FAR1: variants seen among roughly 807,000 people sequenced by gnomAD.
FAR1 encodes the protein male sterility domain-containing protein 2.
A neutral mutation model predicts 61.1 loss-of-function variants in FAR1; 22 were observed. The ratio of observed to expected loss-of-function variants is 0.36; its 90% CI spans 0.26 to 0.51. FAR1 has a LOEUF of 0.51. Among genes scored for constraint, FAR1 ranks in the 20% least tolerant of loss-of-function variants. The pLI, the probability that FAR1 is intolerant of heterozygous loss-of-function variation, is 0.95. For synonymous variants in FAR1, 206 were observed against 209.7 expected (o/e 0.98, Z 0.15); for missense variants, 359 against 626.9 (o/e 0.57, Z 4.56).
intron 1 of FAR1, among the ~76,000 whole-genome samples, chr11:13,675,331 G>C (rs185316143): frequency 7.9e-5 from 12 of 152,268 alleles, no homozygotes; most frequent in Admixed American, 3.9e-4. Flanking sequence ...CATTATTTTA[G>C]AATGAAAGTA....
rs181671219 is a variant in FAR1, at chr11:13,705,025, A to G, written c.366-2875A>G. 1.1e-4 allele frequency among the ~76,000 whole-genome samples: 16 copies of G among 152,322 alleles called. 1 individual carries two copies. The Middle Eastern group carries it at 0.01, about 97-fold the overall frequency. On this transcript the variant is annotated intron_variant, in intron 3 of 11. Transcript: ENST00000354817. ...AAAACCTAAGATGCCTGTAGAAGAA[A>G]GACGAACAAGAAAATGTATTGGCAC... is the stretch of plus-strand genomic sequence containing the variant.
At chr11:13,695,224 AT>A (rs1848295909) in intron 2 of FAR1, among the ~76,000 whole-genome samples, 1 of 152,120 alleles carries the variant, frequency 6.6e-6, no homozygotes, top group South Asian at 2.1e-4. Context: ...TTTTTAGAAC[AT>A]TTGAGGCAGG....
chr11:13,688,788 A>G (rs1024345261), intron 1 of FAR1, among the ~76,000 whole-genome samples: 1 of 152,144 alleles, frequency 6.6e-6, no homozygotes, highest in Non-Finnish European at 1.5e-5. Context: ...ATTATTCTTC[A>G]TATCTCCCAT....
At chr11:13,681,662 C>G (rs1173314282) in intron 1 of FAR1, among the ~76,000 whole-genome samples, 2 of 152,218 alleles carry the variant, frequency 1.3e-5, no homozygotes, top group African/African-American at 4.8e-5. Flanking sequence ...GAAGCCCAAA[C>G]TATCTCATGG....
chr11:13,673,340 A>G (rs1249174950), intron 1 of FAR1, among the ~76,000 whole-genome samples: 1 of 152,240 alleles, frequency 6.6e-6, no homozygotes, highest in Non-Finnish European at 1.5e-5. Context: ...GCACTGTAGC[A>G]TAATCCTTCA....
chr11:13,703,386 C>G (rs12270914), intron 3 of FAR1, among the ~76,000 whole-genome samples: 4,889 of 148,890 alleles, frequency 0.033, 114 homozygotes, highest in Non-Finnish European at 0.048. Flanking sequence ...GTTTCACTAA[C>G]AGTTACTCTT....
intron 1 of FAR1, chr11:13,686,447 A>AT (rs1848186353): frequency 6.6e-6 from 1 of 152,194 alleles, no homozygotes; most frequent in Non-Finnish European, 1.5e-5. Context: ...GTTTTAATTA[A>AT]TTTGAGTTGT....
chr11:13,723,799 C>G (rs935939390), intron 10 of FAR1, among the ~76,000 whole-genome samples: 2 of 152,136 alleles, frequency 1.3e-5, no homozygotes, highest in African/African-American at 4.8e-5. Flanking sequence ...AGTCTGCCAG[C>G]TGTGTCTAAA....
intron 1 of FAR1, among the ~76,000 whole-genome samples, chr11:13,690,137 A>G (rs1848233389): frequency 6.6e-6 from 1 of 152,074 alleles, no homozygotes; most frequent in Middle Eastern, 3.2e-3. Flanking sequence ...TCAGCCTCCC[A>G]AAGTGCTGGG....
At chr11:13,687,282 G>A (rs147240030) in intron 1 of FAR1, among the ~76,000 whole-genome samples, 46 of 152,280 alleles carry the variant, frequency 3.0e-4, no homozygotes, top group Non-Finnish European at 6.0e-4. Context: ...AAAATAGCTA[G>A]CTACGACTGC....
At chr11:13,724,344 G>A (rs1319697140) in intron 10 of FAR1, among the ~76,000 whole-genome samples, 1 of 151,558 alleles carries the variant, frequency 6.6e-6, no homozygotes, top group Non-Finnish European at 1.5e-5. Context: ...TCAGGAGTTC[G>A]AGACCAGCCT....
chr11:13,683,332 G>A (rs181178579), intron 1 of FAR1, among the ~76,000 whole-genome samples: 88 of 151,936 alleles, frequency 5.8e-4, no homozygotes, highest in Admixed American at 1.1e-3. Flanking sequence ...GGTGGAGGTT[G>A]CAGTGAGCCG....
chr11:13,728,629 A>G lies in FAR1; in HGVS notation c.1403A>G (p.Tyr468Cys). 6.2e-7 allele frequency: 1 copy of G among 1,611,582 alleles called. No individual in the cohort carries two copies. The highest frequency in any genetic ancestry group is 8.5e-7 in the Non-Finnish European group (1 of 1,178,228). ...KHLNKLRNIR[Y>C]GFNTILVILI... ...CTTTCCAGGTTGCGGAATATACGTT[A>G]TGGTTTTAATACTATCCTTGTGATC... The change falls in exon 12 of 12, where the codon TAT (tyrosine) becomes TGT (cysteine). Residue 468 changes from tyrosine (Y) to cysteine (C), a missense_variant. Around this residue, in one of 2 missense-constraint regions of FAR1, gnomAD observed 344 missense variants for 570.3 expected, o/e 0.60. Coordinates refer to ENST00000354817, the MANE Select transcript of FAR1 (RefSeq NM_032228.6).
At chr11:13,680,596 G>A (rs1437037906) in intron 1 of FAR1, among the ~76,000 whole-genome samples, 3 of 152,178 alleles carry the variant, frequency 2.0e-5, no homozygotes, top group East Asian at 3.9e-4. Flanking sequence ...AAGGGGAGCA[G>A]GCATCACACA....
chr11:13,688,323 G>A (rs1362660512), intron 1 of FAR1, among the ~76,000 whole-genome samples: 2 of 151,986 alleles, frequency 1.3e-5, no homozygotes, highest in African/African-American at 4.8e-5. Context: ...GAAAGAAGCC[G>A]CTTCATTCTA....
rs1848490828 is a variant in FAR1 at position 13,710,882 on chromosome 11, GAAACCTTT to G, written c.723+14_723+21del. On this transcript the variant is annotated intron_variant, in intron 5 of 11. Coordinates refer to ENST00000354817, the MANE Select transcript of FAR1 (RefSeq NM_032228.6). The stretch of plus-strand genomic sequence containing the variant: ...AAGAACCTTTTCCAGTAAGTTGTTA[GAAACCTTT>G]ATAAATAACTGGAGTTGAGAATTTT... 6.2e-7 allele frequency: 1 copy of G among 1,605,662 alleles called. No homozygotes were observed. Among genetic ancestry groups the G allele is most frequent in the Non-Finnish European group, 8.5e-7 (1 of 1,177,156 alleles).
rs1028947681 is a variant in FAR1 at position 13,731,945 on chromosome 11, G to T, written c.*3171G>T. The T allele has an allele frequency of 6.6e-6, 1 of 152,132 alleles. No homozygotes were observed. The highest frequency in any genetic ancestry group is 1.9e-4 in the East Asian group (1 of 5,190). 9.4% of individuals were successfully genotyped at this position (152,132 alleles called of 1,614,324 possible). On this transcript the variant is annotated 3_prime_UTR_variant, in exon 12 of 12. Transcript: ENST00000354817. Reference sequence around the variant, plus strand: ...GGGGAGAGCATCAGGCTGGGGTCAGGTAAGTGTAAATGGCCTTCTGAGCAT... The same window carrying T: ...GGGGAGAGCATCAGGCTGGGGTCAGTTAAGTGTAAATGGCCTTCTGAGCAT...
intron 4 of FAR1, among the ~76,000 whole-genome samples, chr11:13,708,441 G>GCACACA (rs1216592767): frequency 1.3e-5 from 1 of 79,862 alleles, no homozygotes; most frequent in Non-Finnish European, 2.8e-5. Context: ...ATGTGCGCGC[G>GCACACA]CGCGCGCACA....
rs112697923 is a variant in FAR1, at chr11:13,726,959, G to A, written c.1258-597G>A. ...AAAAAATTATCTTATTATATGCTAA[G>A]GAGCACTGAGCAATGCATAGCCCTC... On this transcript the variant is annotated intron_variant, in intron 10 of 11. Transcript: ENST00000354817. Among the ~76,000 whole-genome samples, 659 of 151,968 alleles carry A rather than the reference G, an allele frequency of 4.3e-3. 6 individuals are homozygous for A. The highest frequency in any genetic ancestry group is 6.5e-3 in the Non-Finnish European group (440 of 67,860).
Sources: gnomAD v4.1 joint callset for allele counts (sites outside exome capture counted in the v4.1 genomes callset) on GRCh38, gnomAD v4.1.1 for gene constraint, gnomAD v4.1.1 regional missense constraint, MANE v1.5 for transcripts, NCBI Gene and HGNC (gene_info 2026-07-23, HGNC 2026-07-21) for gene names.